SLC35F3: variants seen among roughly 807,000 people sequenced by gnomAD.
SLC35F3 encodes solute carrier family 35 member F3.
Under a neutral mutation model 49.9 loss-of-function variants are expected in SLC35F3, and 25 were observed. That is an observed-to-expected ratio of 0.50 (90% CI 0.37 to 0.70). SLC35F3 has a LOEUF of 0.70. Among genes scored for constraint, SLC35F3 ranks in the 30% least tolerant of loss-of-function variants. The pLI is 0.00. For missense variants in SLC35F3, 525 were observed against 639.8 expected, an observed-to-expected ratio of 0.82 and a Z score of 1.94; for synonymous variants, 275 against 265.4, an observed-to-expected ratio of 1.04 and a Z score of -0.35.
intron 2 of SLC35F3, among the ~76,000 whole-genome samples, chr1:234,020,394 A>G (rs943471993): frequency 2.0e-5 from 3 of 152,184 alleles, no homozygotes; most frequent in Non-Finnish European, 4.4e-5. Context: ...AAAAACATAG[A>G]CAGAGGCAGG....
At chr1:233,955,352 T>G (rs183686575) in intron 2 of SLC35F3, among the ~76,000 whole-genome samples, 1 of 152,282 alleles carries the variant, frequency 6.6e-6, no homozygotes, top group Admixed American at 6.5e-5. Context: ...TCTCTGAAAC[T>G]GCTCTTCCTC....
At chr1:233,956,486 A>G (rs1018655828) in intron 2 of SLC35F3, among the ~76,000 whole-genome samples, 8 of 152,156 alleles carry the variant, frequency 5.3e-5, no homozygotes, top group African/African-American at 1.9e-4. Context: ...GGGAAAGGCA[A>G]TGTTTATGCT....
chr1:234,174,584 T>A (rs918504427), intron 2 of SLC35F3, among the ~76,000 whole-genome samples: 1 of 152,136 alleles, frequency 6.6e-6, no homozygotes, highest in East Asian at 1.9e-4. Flanking sequence ...CTGCCCGAGG[T>A]CACACAGCTA....
At chr1:234,090,469 G>A (rs1052580136) in intron 2 of SLC35F3, among the ~76,000 whole-genome samples, 3 of 152,244 alleles carry the variant, frequency 2.0e-5, no homozygotes, top group Non-Finnish European at 4.4e-5. Flanking sequence ...GGAGACAGGA[G>A]AATAAATCTC....
intron 2 of SLC35F3, among the ~76,000 whole-genome samples, chr1:234,193,652 G>C (rs564515621): frequency 6.6e-6 from 1 of 152,214 alleles, no homozygotes; most frequent in South Asian, 2.1e-4. Flanking sequence ...GCAGAGTAAA[G>C]AGACAACCAA....
chr1:234,158,954 T>C (rs1666190641), intron 2 of SLC35F3, among the ~76,000 whole-genome samples: 1 of 152,182 alleles, frequency 6.6e-6, no homozygotes, highest in Admixed American at 6.5e-5. Context: ...TTTTATGAAA[T>C]AAATAATAAA....
intron 2 of SLC35F3, among the ~76,000 whole-genome samples, chr1:234,102,368 A>G (rs955988339): frequency 2.6e-5 from 4 of 151,968 alleles, no homozygotes; most frequent in Admixed American, 1.3e-4. Flanking sequence ...TGTGTATTTT[A>G]TCATGATTCC....
chr1:234,152,016 T>C (rs1666081970), intron 2 of SLC35F3, among the ~76,000 whole-genome samples: 1 of 152,010 alleles, frequency 6.6e-6, no homozygotes, highest in South Asian at 2.1e-4. Context: ...CATTTCATTT[T>C]AACTTTTAGA....
intron 2 of SLC35F3, among the ~76,000 whole-genome samples, chr1:234,044,705 ATTAATGT>A (rs1664265420): frequency 6.6e-6 from 1 of 152,154 alleles, no homozygotes. Flanking sequence ...TTTTTTAGTC[ATTAATGT>A]TTCTTCATCA....
At chr1:234,117,946 G>C (rs1278015489) in intron 2 of SLC35F3, among the ~76,000 whole-genome samples, 12 of 47,180 alleles carry the variant, frequency 2.5e-4, no homozygotes, top group Non-Finnish European at 5.7e-4. Context: ...GTGTGTGTGT[G>C]TGTGTGTGTG....
intron 3 of SLC35F3, among the ~76,000 whole-genome samples, chr1:234,287,288 T>C (rs925209434): frequency 6.6e-6 from 1 of 152,186 alleles, no homozygotes. Flanking sequence ...TCATTTTACC[T>C]TCACAATAAT....
At chr1:234,068,458 G>A (rs1414192323) in intron 2 of SLC35F3, among the ~76,000 whole-genome samples, 2 of 152,096 alleles carry the variant, frequency 1.3e-5, no homozygotes, top group African/African-American at 2.4e-5. Context: ...CATGCTAACA[G>A]CTACAAGAAG....
intron 2 of SLC35F3, among the ~76,000 whole-genome samples, chr1:234,157,217 C>T (rs1666168335): frequency 6.6e-6 from 1 of 152,194 alleles, no homozygotes; most frequent in South Asian, 2.1e-4. Flanking sequence ...CCTGCTACCA[C>T]GTAATCCAAG....
At chr1:233,935,987 G>T (rs1662320545) in intron 2 of SLC35F3, among the ~76,000 whole-genome samples, 1 of 152,052 alleles carries the variant, frequency 6.6e-6, no homozygotes, top group Non-Finnish European at 1.5e-5. Flanking sequence ...GCTCTTGATG[G>T]GCTCAATAAA....
chr1:233,920,097 A>G (rs1662035043), intron 2 of SLC35F3, among the ~76,000 whole-genome samples: 1 of 152,208 alleles, frequency 6.6e-6, no homozygotes, highest in Non-Finnish European at 1.5e-5. Context: ...CAGGAGTTCA[A>G]TCAGAGATAA....
intron 2 of SLC35F3, among the ~76,000 whole-genome samples, chr1:233,971,024 T>A (rs1662982821): frequency 6.6e-6 from 1 of 152,254 alleles, no homozygotes; most frequent in Non-Finnish European, 1.5e-5. Context: ...GGCTAGCCTC[T>A]TCACTCATGT....
At chr1:234,172,510 A>T (rs1376924277) in intron 2 of SLC35F3, among the ~76,000 whole-genome samples, 1 of 152,216 alleles carries the variant, frequency 6.6e-6, no homozygotes, top group Non-Finnish European at 1.5e-5. Flanking sequence ...TACAGGTGTG[A>T]GGCACCTGGC....
intron 2 of SLC35F3, among the ~76,000 whole-genome samples, chr1:233,962,606 G>A (rs886188137): frequency 6.6e-6 from 1 of 152,160 alleles, no homozygotes; most frequent in Admixed American, 6.5e-5. Flanking sequence ...CAGTGTGTTC[G>A]TATTTTTATC....
At chr1:234,000,896 G>A (rs1009139116) in intron 2 of SLC35F3, among the ~76,000 whole-genome samples, 5 of 152,140 alleles carry the variant, frequency 3.3e-5, no homozygotes, top group African/African-American at 1.2e-4. Flanking sequence ...ATCAAGGGAG[G>A]ATGGCTGCCA....
Sources: allele counts gnomAD v4.1 joint callset (sites outside exome capture counted in the v4.1 genomes callset), GRCh38; gene constraint gnomAD v4.1.1; transcripts MANE v1.5; gene names NCBI Gene and HGNC (gene_info 2026-07-23, HGNC 2026-07-21).